Variants in PIBF1 observed in about 807,000 individuals in gnomAD.
The protein encoded by PIBF1 is progesterone-induced-blocking factor 1.
PIBF1 carries 90 observed loss-of-function variants against 112.5 expected under a neutral mutation model. The ratio of observed to expected loss-of-function variants is 0.80; its 90% CI spans 0.67 to 0.95. PIBF1 has a LOEUF of 0.95. Ranked by LOEUF, PIBF1 falls within the 40% of genes least tolerant of loss-of-function variation. PIBF1 has a pLI of 0.00. For missense variants in PIBF1, 915 were observed against 852.3 expected, an observed-to-expected ratio of 1.07 and a Z score of -0.92; for synonymous variants, 301 against 288.6, an observed-to-expected ratio of 1.04 and a Z score of -0.44.
At chr13:72,864,551 G>A (rs1448019175) in intron 10 of PIBF1, among the ~76,000 whole-genome samples, 1 of 152,166 alleles carries the variant, frequency 6.6e-6, no homozygotes, top group African/African-American at 2.4e-5. Context: ...GTGTGCGCAT[G>A]TGCGTGCATG....
intron 10 of PIBF1, among the ~76,000 whole-genome samples, chr13:72,892,857 A>G (rs766435690): frequency 1.3e-5 from 2 of 151,396 alleles, no homozygotes; most frequent in Non-Finnish European, 2.9e-5. Context: ...GGTCTCCTTC[A>G]TATGTGTTCC....
chr13:72,898,423 C>G (rs1406661612), intron 11 of PIBF1, among the ~76,000 whole-genome samples: 1 of 151,644 alleles, frequency 6.6e-6, no homozygotes, highest in Non-Finnish European at 1.5e-5. Flanking sequence ...CAAGAATAAA[C>G]CAAACCCAGC....
intron 5 of PIBF1, among the ~76,000 whole-genome samples, chr13:72,799,033 T>G (rs2035335590): frequency 6.6e-6 from 1 of 152,248 alleles, no homozygotes; most frequent in African/African-American, 2.4e-5. Flanking sequence ...AGGCAATGCC[T>G]GCCCTTCTAG....
At chr13:72,850,201 G>A (rs1014510757) in intron 9 of PIBF1, among the ~76,000 whole-genome samples, 2 of 152,164 alleles carry the variant, frequency 1.3e-5, no homozygotes, top group Admixed American at 1.3e-4. Flanking sequence ...ACCTGTGAGA[G>A]GACCTCTTGG....
chr13:72,783,827 A>G, intron 2 of PIBF1, 106 bp downstream of exon 2: 1 of 1,074,868 alleles, frequency 9.3e-7, no homozygotes, highest in East Asian at 2.4e-5. Flanking sequence ...TGATACATTT[A>G]TATTTCTTGA....
chr13:72,831,964 T>C (rs1203725661), intron 8 of PIBF1, among the ~76,000 whole-genome samples: 1 of 152,058 alleles, frequency 6.6e-6, no homozygotes, highest in Non-Finnish European at 1.5e-5. Context: ...GATAGTTAGC[T>C]CTTCCTGCCG....
intron 16 of PIBF1, 30 bp from the exon 17 acceptor site, chr13:72,998,792 C>T: frequency 6.5e-7 from 1 of 1,545,424 alleles, no homozygotes; most frequent in Non-Finnish European, 8.8e-7. Context: ...ATCACTCTTG[C>T]TACTTTCTTC....
chr13:73,011,471 G>A (rs552168003), intron 17 of PIBF1, among the ~76,000 whole-genome samples: 1 of 152,272 alleles, frequency 6.6e-6, no homozygotes, highest in South Asian at 2.1e-4. Context: ...AGAGAACTCA[G>A]TTCTCAACAA....
At chr13:72,958,913 G>A (rs2042531311) in intron 14 of PIBF1, among the ~76,000 whole-genome samples, 1 of 152,058 alleles carries the variant, frequency 6.6e-6, no homozygotes, top group Non-Finnish European at 1.5e-5. Context: ...CAGAATCTGA[G>A]ACCCAACCCT....
At chr13:72,909,479 A>G (rs2040822011) in intron 12 of PIBF1, among the ~76,000 whole-genome samples, 1 of 151,838 alleles carries the variant, frequency 6.6e-6, no homozygotes, top group Non-Finnish European at 1.5e-5. Flanking sequence ...TGACACTGCA[A>G]TTAGTCTTTT....
chr13:72,936,177 G>A (rs1051342960), intron 14 of PIBF1, among the ~76,000 whole-genome samples: 3 of 151,972 alleles, frequency 2.0e-5, no homozygotes. Context: ...TAGGACTGCA[G>A]TTACCTGCAA....
chr13:72,959,059 C>T (rs9573072), intron 14 of PIBF1, among the ~76,000 whole-genome samples: 41,673 of 151,984 alleles, frequency 0.27, 6,854 homozygotes, highest in East Asian at 0.48. Flanking sequence ...AGTGCAGTGG[C>T]GTGATCTCGG....
At chr13:72,791,037 TTTTGTTTGTTTGTTTG>T (rs141805152) in intron 2 of PIBF1, among the ~76,000 whole-genome samples, 2 of 149,724 alleles carry the variant, frequency 1.3e-5, no homozygotes, top group African/African-American at 2.5e-5. Flanking sequence ...ATTCATGTAT[TTTTGTTTGTTTGTTTG>T]TTTGTTTGTT....
intron 5 of PIBF1, among the ~76,000 whole-genome samples, chr13:72,811,449 A>G (rs1244085383): frequency 6.6e-6 from 1 of 152,070 alleles, no homozygotes; most frequent in Non-Finnish European, 1.5e-5. Flanking sequence ...TACAAAAATC[A>G]GCTGGGTGTG....
rs146921367 is a variant in PIBF1 at position 73,003,587 on chromosome 13, A to C, written c.2223+4592A>C. ...GAAAATTAGTGTAGTCAATTCAAGA[A>C]GCATTTACTGACTATATGCAAGAGC... On this transcript the variant is annotated intron_variant, in intron 17 of 17. Coordinates refer to ENST00000326291, the MANE Select transcript of PIBF1 (RefSeq NM_006346.4). Among the ~76,000 whole-genome samples, 460 of 152,002 alleles carry C rather than the reference A, an allele frequency of 3.0e-3. 1 individual carries two copies. The highest frequency in any genetic ancestry group is 0.01 in the African/African-American group (415 of 41,468).
intron 5 of PIBF1, among the ~76,000 whole-genome samples, chr13:72,798,991 G>T (rs1340540177): frequency 6.6e-6 from 1 of 152,180 alleles, no homozygotes; most frequent in Non-Finnish European, 1.5e-5. Context: ...TGTGCATGGT[G>T]CTGTGCTAGG....
chr13:72,817,966 T>C (rs1266518418), intron 5 of PIBF1, among the ~76,000 whole-genome samples: 3 of 152,142 alleles, frequency 2.0e-5, no homozygotes, highest in African/African-American at 7.2e-5. Flanking sequence ...AAATTGTAAA[T>C]AAAGTGCTGG....
chr13:72,931,290 T>C (rs1346922358), intron 14 of PIBF1, 23 bp downstream of exon 14: 1 of 1,330,052 alleles, frequency 7.5e-7, no homozygotes, highest in Non-Finnish European at 1.1e-6. Flanking sequence ...AAGAAACCCA[T>C]ATGAAGAATC....
At chr13:72,977,134 T>G (rs1038555850) in intron 16 of PIBF1, among the ~76,000 whole-genome samples, 2 of 152,154 alleles carry the variant, frequency 1.3e-5, no homozygotes, top group Non-Finnish European at 2.9e-5. Flanking sequence ...TTTTTAAAGT[T>G]TCTTATTTTC....
Sources: gnomAD v4.1 joint callset for allele counts (sites outside exome capture counted in the v4.1 genomes callset) on GRCh38, gnomAD v4.1.1 for gene constraint, MANE v1.5 for transcripts, NCBI Gene and HGNC (gene_info 2026-07-23, HGNC 2026-07-21) for gene names.